The following UBE2F variants were observed in gnomAD, a reference collection of about 807,000 sequenced individuals.
UBE2F encodes ubiquitin conjugating enzyme E2 F (putative).
In UBE2F, 5 loss-of-function variants were observed where a neutral mutation model predicts 29.6. The ratio of observed to expected loss-of-function variants is 0.17; its 90% CI spans 0.09 to 0.36. The LOEUF (loss-of-function observed/expected upper bound fraction) is 0.36. UBE2F is among the 10% of genes least tolerant of loss of function. UBE2F has a pLI of 1.00. For missense variants in UBE2F, 141 were observed against 228.5 expected (o/e 0.62, Z 2.47); for synonymous variants, 66 against 81.8 (o/e 0.81, Z 1.04).
chr2:238,041,296 C>G lies in UBE2F; in HGVS notation c.516C>G (p.Phe172Leu). 6.2e-7 allele frequency: 1 copy of G among 1,613,878 alleles called. No individual in the cohort carries two copies. Among genetic ancestry groups the G allele is most frequent in the Non-Finnish European group, 8.5e-7 (1 of 1,179,814 alleles). Reference sequence around the variant, plus strand: ...ATGCTGTTACTCCACAGGAGGACTTCCGGAATAAAGTGGATGACTACATCA... The same window carrying G: ...ATGCTGTTACTCCACAGGAGGACTTGCGGAATAAAGTGGATGACTACATCA... ...AEHHLRDKED[F>L]RNKVDDYIKR... The change falls in exon 10 of 10, where the codon TTC (phenylalanine) becomes TTG (leucine). Residue 172 changes from phenylalanine (F) to leucine (L), a missense_variant. Phe to Leu is a conservative substitution (Grantham distance 22). Coordinates refer to ENST00000272930, the MANE Select transcript of UBE2F (RefSeq NM_080678.3).
At chr2:237,971,244 G>C (rs562532699) in intron 1 of UBE2F, among the ~76,000 whole-genome samples, 18 of 152,318 alleles carry the variant, frequency 1.2e-4, no homozygotes, top group African/African-American at 3.1e-4. Context: ...CTGTTGAAAC[G>C]ATCAGAGTGG....
chr2:238,007,405 A>C (rs934443729), intron 4 of UBE2F, among the ~76,000 whole-genome samples: 1 of 152,198 alleles, frequency 6.6e-6, no homozygotes, highest in African/African-American at 2.4e-5. Flanking sequence ...TACAGGCGTG[A>C]GCCACTGAGT....
At chr2:238,027,912 C>T (rs775291508) in intron 6 of UBE2F, among the ~76,000 whole-genome samples, 5 of 152,350 alleles carry the variant, frequency 3.3e-5, no homozygotes, top group South Asian at 2.1e-4. Flanking sequence ...CTTGTTGTCC[C>T]GGCAGGGACC....
At chr2:237,991,010 T>G (rs2106347225) in intron 3 of UBE2F, among the ~76,000 whole-genome samples, 1 of 152,270 alleles carries the variant, frequency 6.6e-6, no homozygotes, top group South Asian at 2.1e-4. Flanking sequence ...ATTGTTGGTT[T>G]TTAACCCATA....
At chr2:238,012,724 C>T (rs756976154) in intron 4 of UBE2F, among the ~76,000 whole-genome samples, 10 of 152,264 alleles carry the variant, frequency 6.6e-5, no homozygotes, top group Non-Finnish European at 1.3e-4. Context: ...ACTCTGAGCT[C>T]CTGGAGGTTC....
In UBE2F at chr2:237,967,099, G is replaced by A. The variant is rs1233682232; in HGVS notation, c.-50G>A. 32 of 1,345,880 alleles carry A rather than the reference G, an allele frequency of 2.4e-5. No individual in the cohort carries two copies. Among genetic ancestry groups the A allele is most frequent in the East Asian group, 3.2e-5 (1 of 31,294 alleles). The allele number at this position is 1,345,880 out of a possible 1,614,324, so 83.4% of individuals were successfully genotyped here. Reference sequence around the variant, plus strand: ...GCCCGGACCGGGCATGGTGTTGGGCGCCGGGCCCGCCTCGCCTGTCTCGGG... The same window carrying A: ...GCCCGGACCGGGCATGGTGTTGGGCACCGGGCCCGCCTCGCCTGTCTCGGG... On this transcript the variant is annotated 5_prime_UTR_variant, in exon 1 of 10. Transcript: ENST00000272930. The surrounding 1 kb of genome is among the most constrained non-coding windows in gnomAD (Gnocchi z 6.3).
At chr2:238,038,376 C>T (rs137958790) in intron 9 of UBE2F, among the ~76,000 whole-genome samples, 3 of 152,336 alleles carry the variant, frequency 2.0e-5, no homozygotes, top group African/African-American at 7.2e-5. Flanking sequence ...TGCCATCCGT[C>T]GGTGGTCCTG....
At chr2:237,969,753 G>A (rs575702836) in intron 1 of UBE2F, among the ~76,000 whole-genome samples, 1 of 152,172 alleles carries the variant, frequency 6.6e-6, no homozygotes, top group Non-Finnish European at 1.5e-5. Context: ...TCCAGGTAGG[G>A]GCTGAAGCAG....
intron 1 of UBE2F, among the ~76,000 whole-genome samples, chr2:237,969,510 T>A (rs893157990): frequency 2.0e-5 from 3 of 152,212 alleles, no homozygotes; most frequent in African/African-American, 7.2e-5. Flanking sequence ...CTTTGCTTCA[T>A]TTGCATTCCC....
At chr2:237,986,202 C>A in intron 2 of UBE2F, 1 of 378,446 alleles carries the variant, frequency 2.6e-6, no homozygotes, top group Non-Finnish European at 5.1e-6. Context: ...TGGTGTAGAG[C>A]GCAGTGGTGT....
chr2:237,975,559 G>T (rs1375111010), intron 2 of UBE2F, among the ~76,000 whole-genome samples: 3 of 152,218 alleles, frequency 2.0e-5, no homozygotes, highest in Non-Finnish European at 4.4e-5. Context: ...AGAAGAGCTG[G>T]TGTATGTAAA....
chr2:238,015,411 A>G (rs1311563464), intron 4 of UBE2F, among the ~76,000 whole-genome samples: 1 of 152,208 alleles, frequency 6.6e-6, no homozygotes, highest in Non-Finnish European at 1.5e-5. Flanking sequence ...AACCTAAATG[A>G]CCAATAATCA....
intron 3 of UBE2F, among the ~76,000 whole-genome samples, chr2:237,988,720 G>A (rs2063529001): frequency 6.6e-6 from 1 of 151,954 alleles, no homozygotes. Context: ...TCTTCCAGAT[G>A]CATTCTGTCC....
At chr2:238,025,490 C>T (rs2064405389) in intron 6 of UBE2F, 78 bp downstream of exon 6, 2 of 1,334,470 alleles carry the variant, frequency 1.5e-6, no homozygotes, top group South Asian at 2.5e-5. Flanking sequence ...ATGTTGTCTC[C>T]TCTGAAAAGA....
At chr2:237,973,448 T>C (rs113353805) in intron 2 of UBE2F, among the ~76,000 whole-genome samples, 322 of 152,362 alleles carry the variant, frequency 2.1e-3, no homozygotes, top group African/African-American at 6.5e-3. Context: ...GTGTGTCTTA[T>C]ACACTTGGGA....
At chr2:237,974,101 C>G (rs887017642) in intron 2 of UBE2F, among the ~76,000 whole-genome samples, 2 of 152,062 alleles carry the variant, frequency 1.3e-5, no homozygotes, top group African/African-American at 4.8e-5. Context: ...TCCAGCAATT[C>G]TCCTGCCTCA....
intron 4 of UBE2F, among the ~76,000 whole-genome samples, chr2:238,002,478 C>G (rs2063815682): frequency 6.6e-6 from 1 of 151,828 alleles, no homozygotes; most frequent in Non-Finnish European, 1.5e-5. Context: ...CTCTGGTGAT[C>G]TTCCTGCCTC....
chr2:237,999,100 T>A (rs1448712891), intron 4 of UBE2F, among the ~76,000 whole-genome samples: 1 of 151,868 alleles, frequency 6.6e-6, no homozygotes, highest in African/African-American at 2.4e-5. Flanking sequence ...TTTTTTTTTT[T>A]GAGACAGAGT....
At chr2:238,036,049 A>T in intron 9 of UBE2F, 109 bp downstream of exon 9, 1 of 982,124 alleles carries the variant, frequency 1.0e-6, no homozygotes, top group Non-Finnish European at 1.6e-6. Context: ...GAGTGGTGGG[A>T]TGCAAGGCTG....
Sources: gnomAD v4.1 joint callset for allele counts (sites outside exome capture counted in the v4.1 genomes callset) on GRCh38, gnomAD v4.1.1 for gene constraint, Gnocchi (gnomAD v3.1) non-coding constraint, MANE v1.5 for transcripts, NCBI Gene and HGNC (gene_info 2026-07-23, HGNC 2026-07-21) for gene names.